KCNC2: variants seen among roughly 807,000 people sequenced by gnomAD.
The protein encoded by KCNC2 is potassium voltage-gated channel subfamily C member 2, also known as voltage-gated potassium channel KCNC2.
A neutral mutation model predicts 44.5 loss-of-function variants in KCNC2; 21 were observed. The observed-to-expected ratio is 0.47, with a 90% confidence interval of 0.33 to 0.68. The LOEUF is 0.68. Among genes scored for constraint, KCNC2 ranks in the 30% least tolerant of loss-of-function variants. The probability of loss-of-function intolerance (pLI) is 0.01; values close to 1 mark genes in which losing one functional copy is unlikely to be tolerated. For synonymous variants in KCNC2, 391 were observed against 339.1 expected, an observed-to-expected ratio of 1.15 and a Z score of -1.68; for missense variants, 589 against 826.2, an observed-to-expected ratio of 0.71 and a Z score of 3.52.
intron 2 of KCNC2, among the ~76,000 whole-genome samples, chr12:75,093,280 G>A (rs1592853556): frequency 2.0e-5 from 3 of 151,504 alleles, no homozygotes; most frequent in African/African-American, 7.2e-5. Context: ...AATGTCAATG[G>A]TCTTAGTAAT....
chr12:75,185,539 G>T (rs1329303481), intron 2 of KCNC2, among the ~76,000 whole-genome samples: 1 of 151,456 alleles, frequency 6.6e-6, no homozygotes, highest in Non-Finnish European at 1.5e-5. Flanking sequence ...TTATGTTATG[G>T]GATGACACAA....
At position 75,048,152 on chromosome 12, in the gene KCNC2, C is replaced by G. The variant is rs779074743; in HGVS notation, c.1780+1G>C. The G allele has an allele frequency of 1.2e-6, 2 of 1,612,196 alleles. No individual in the cohort carries two copies. The highest frequency in any genetic ancestry group is 1.7e-5 in the Admixed American group (1 of 59,870). ...TATGATCTGATTAAATGCATGCCTA[C>G]CTTTCCTGATCCCTCCATCAGAAGC... On this transcript the variant is annotated splice_donor_variant, in intron 4 of 4. Transcript: ENST00000549446. LOFTEE classifies it high-confidence loss of function.
At position 75,101,811 on chromosome 12, in the gene KCNC2, C is replaced by T. The variant is rs1033647433; in HGVS notation, c.688-50494G>A. Among the ~76,000 whole-genome samples, 8 of 152,076 alleles carry T rather than the reference C, an allele frequency of 5.3e-5. No individual in the cohort carries two copies. The East Asian group carries it at 5.8e-4, about 11-fold the overall frequency. ...AAGGAAAACAAAAATTGCATATATACATTCCTCTGTGGCTAAATTTAGCAA... is the reference window on the plus strand; with the variant it reads ...AAGGAAAACAAAAATTGCATATATATATTCCTCTGTGGCTAAATTTAGCAA... On this transcript the variant is annotated intron_variant, in intron 2 of 4. Coordinates refer to ENST00000549446, the MANE Select transcript of KCNC2 (RefSeq NM_139137.4).
rs534040572 is a variant in KCNC2 at position 75,112,016 on chromosome 12, C to A, written c.688-60699G>T. ...AAATTCAATAAAAATAACAAATACT[C>A]TATGCAGTTTATACTAGATTTTGTA... On this transcript the variant is annotated intron_variant, in intron 2 of 4. Coordinates refer to ENST00000549446, the MANE Select transcript of KCNC2 (RefSeq NM_139137.4). 2.6e-5 allele frequency among the ~76,000 whole-genome samples: 4 copies of A among 151,802 alleles called. No homozygotes were observed. In the East Asian group the frequency reaches 7.7e-4, roughly 29 times the overall value.
intron 2 of KCNC2, chr12:75,124,671 T>C (rs550910502): frequency 6.6e-6 from 1 of 152,214 alleles, no homozygotes; most frequent in Non-Finnish European, 1.5e-5. Flanking sequence ...AAAATTTTTT[T>C]AAAAAATTTG....
At chr12:75,146,718 C>T (rs7297794) in intron 2 of KCNC2, among the ~76,000 whole-genome samples, 30,236 of 152,056 alleles carry the variant, frequency 0.2, 3,471 homozygotes, top group Admixed American at 0.27. Context: ...ATAAATTGAT[C>T]TGTGTAGCAA....
At chr12:75,087,087 A>G (rs904186266) in intron 2 of KCNC2, among the ~76,000 whole-genome samples, 6 of 152,122 alleles carry the variant, frequency 3.9e-5, no homozygotes, top group Admixed American at 2.0e-4. Context: ...GAAGAAAGAT[A>G]CATAAACAAT....
intron 2 of KCNC2, among the ~76,000 whole-genome samples, chr12:75,063,361 A>G (rs1442805748): frequency 6.6e-6 from 1 of 152,104 alleles, no homozygotes; most frequent in African/African-American, 2.4e-5. Flanking sequence ...TGATTCAATG[A>G]TAAATGTTAA....
At chr12:75,193,132 A>C (rs2030446563) in intron 2 of KCNC2, among the ~76,000 whole-genome samples, 1 of 152,166 alleles carries the variant, frequency 6.6e-6, no homozygotes, top group Admixed American at 6.6e-5. Flanking sequence ...CAAGTTTATA[A>C]CTAGTATGAA....
rs543703459 is a variant in KCNC2, at chr12:75,160,913, T to A, written c.687+46384A>T. ...TTATTGATCTTAAATCTTCAAAATCTTGTGAAAAGCAAATTAGACAAAAAC... is the reference window on the plus strand; with the variant it reads ...TTATTGATCTTAAATCTTCAAAATCATGTGAAAAGCAAATTAGACAAAAAC... On this transcript the variant is annotated intron_variant, in intron 2 of 4. Transcript: ENST00000549446. Among the ~76,000 whole-genome samples the A allele has an allele frequency of 2.0e-5, 3 of 151,930 alleles. No homozygotes were observed. In the East Asian group the frequency reaches 5.8e-4, roughly 30 times the overall value.
At chr12:75,162,992 G>A (rs369524357) in intron 2 of KCNC2, among the ~76,000 whole-genome samples, 162 of 151,738 alleles carry the variant, frequency 1.1e-3, no homozygotes, top group African/African-American at 3.6e-3. Flanking sequence ...TTGGTTGACC[G>A]TAGAAGTGGA....
At chr12:75,046,930 C>T (rs1880589840) in intron 4 of KCNC2, among the ~76,000 whole-genome samples, 1 of 151,822 alleles carries the variant, frequency 6.6e-6, no homozygotes, top group African/African-American at 2.4e-5. Context: ...AGAAGTACAA[C>T]ATGGGCAATA....
intron 2 of KCNC2, among the ~76,000 whole-genome samples, chr12:75,102,398 G>A (rs946824705): frequency 3.3e-5 from 5 of 150,032 alleles, no homozygotes; most frequent in African/African-American, 1.2e-4. Flanking sequence ...GATGACTAAG[G>A]TGACATCTAC....
chr12:75,087,192 G>A (rs1353600073), intron 2 of KCNC2, among the ~76,000 whole-genome samples: 1 of 151,996 alleles, frequency 6.6e-6, no homozygotes, highest in East Asian at 1.9e-4. Flanking sequence ...GCCAAATGTG[G>A]TTCACAGTTG....
intron 2 of KCNC2, among the ~76,000 whole-genome samples, chr12:75,150,438 T>C (rs568133181): frequency 6.6e-6 from 1 of 151,962 alleles, no homozygotes; most frequent in Admixed American, 6.6e-5. Flanking sequence ...TGACTATCAA[T>C]ACACAAATTT....
intron 2 of KCNC2, among the ~76,000 whole-genome samples, chr12:75,061,049 C>T (rs1174119079): frequency 6.6e-6 from 1 of 152,012 alleles, no homozygotes; most frequent in Non-Finnish European, 1.5e-5. Flanking sequence ...TAGCACTTAC[C>T]TCATTTCTGT....
At chr12:75,065,292 G>A (rs769113666) in intron 2 of KCNC2, among the ~76,000 whole-genome samples, 4 of 152,034 alleles carry the variant, frequency 2.6e-5, no homozygotes, top group Admixed American at 6.6e-5. Flanking sequence ...TATTCATTCA[G>A]TTTCTTCAAA....
At chr12:75,164,800 TG>T (rs535959100) in intron 2 of KCNC2, among the ~76,000 whole-genome samples, 25 of 151,804 alleles carry the variant, frequency 1.6e-4, no homozygotes, top group Non-Finnish European at 3.7e-4. Context: ...CAAAAATCGT[TG>T]AACTAAAACT....
intron 2 of KCNC2, among the ~76,000 whole-genome samples, chr12:75,060,160 T>C (rs1882161759): frequency 6.6e-6 from 1 of 152,124 alleles, no homozygotes; most frequent in African/African-American, 2.4e-5. Flanking sequence ...ATATTTCTGT[T>C]ATTTTGGACC....
Sources: gnomAD v4.1 joint callset for allele counts (sites outside exome capture counted in the v4.1 genomes callset) on GRCh38, gnomAD v4.1.1 for gene constraint, MANE v1.5 for transcripts, NCBI Gene and HGNC (gene_info 2026-07-23, HGNC 2026-07-21) for gene names.